TANGO2: variants seen among roughly 807,000 people sequenced by gnomAD.
TANGO2 encodes the protein transport and Golgi organization protein 2 homolog.
Under a neutral mutation model 39.1 loss-of-function variants are expected in TANGO2, and 26 were observed. The ratio of observed to expected loss-of-function variants is 0.67; its 90% confidence interval spans 0.49 to 0.92. The LOEUF (loss-of-function observed/expected upper bound fraction) is 0.92, where lower values mean the gene tolerates loss of function less well. Among genes scored for constraint, TANGO2 ranks in the 40% least tolerant of loss-of-function variants. TANGO2 has a pLI of 0.00. For missense variants in TANGO2, 326 were observed against 360.1 expected, an observed-to-expected ratio of 0.91 and a Z score of 0.77; for synonymous variants, 131 against 144.5, an observed-to-expected ratio of 0.91 and a Z score of 0.67.
chr22:20,061,441 G>A, intron 6 of TANGO2, 89 bp from the exon 7 acceptor site: 4 of 1,437,936 alleles, frequency 2.8e-6, no homozygotes, highest in Non-Finnish European at 3.7e-6. Context: ...GTCCCCAGCT[G>A]TACCCCGTGT....
chr22:20,063,895 T>G (rs963641556), intron 8 of TANGO2, among the ~76,000 whole-genome samples: 3 of 152,248 alleles, frequency 2.0e-5, no homozygotes, highest in African/African-American at 7.2e-5. Flanking sequence ...AAGTGCCAAC[T>G]CCACTCCCTG....
At chr22:20,029,494 C>T (rs2146863028) in intron 1 of TANGO2, among the ~76,000 whole-genome samples, 1 of 152,324 alleles carries the variant, frequency 6.6e-6, no homozygotes, top group Non-Finnish European at 1.5e-5. Flanking sequence ...GGAAGAATTC[C>T]ACCCGCACTG....
At chr22:20,055,014 C>A (rs887530446) in intron 5 of TANGO2, 6 of 152,276 alleles carry the variant, frequency 3.9e-5, no homozygotes, top group African/African-American at 1.2e-4. Flanking sequence ...CGGGGGGGCC[C>A]TTGAAGCCTA....
At chr22:20,036,916 A>G (rs1569261564) in intron 2 of TANGO2, 62 bp downstream of exon 2, 3 of 1,614,102 alleles carry the variant, frequency 1.9e-6, no homozygotes, top group East Asian at 4.5e-5. Context: ...GCCAGTTCTC[A>G]TGCCACCCAA....
rs1432791683 is a variant in TANGO2, at chr22:20,026,752, G to A, written c.-40+5506G>A. Among the ~76,000 whole-genome samples the A allele has an allele frequency of 6.0e-5, 9 of 150,144 alleles. No homozygotes were observed. The East Asian group carries it at 1.5e-3, about 26-fold the overall frequency. ...GGAGGTCACAAGTTGCCCAGCCAGT[G>A]GGGGATGCCCATAAAACCCTGGCGG... On this transcript the variant is annotated intron_variant, in intron 1 of 8. Coordinates refer to ENST00000327374, the MANE Select transcript of TANGO2 (RefSeq NM_152906.7).
At chr22:20,023,751 G>A (rs1444102243) in intron 1 of TANGO2, among the ~76,000 whole-genome samples, 1 of 152,104 alleles carries the variant, frequency 6.6e-6, no homozygotes. Flanking sequence ...CCAGCTACTC[G>A]GGAGGCTGAG....
chr22:20,063,160 A>G, intron 7 of TANGO2, 178 bp from the exon 8 acceptor site: 1 of 573,662 alleles, frequency 1.7e-6, no homozygotes, highest in South Asian at 2.3e-5. Context: ...CCTCCTCAAA[A>G]AAAGAAAATA....
chr22:20,056,799 G>GGGACT, intron 6 of TANGO2: 1 of 456,638 alleles, frequency 2.2e-6, no homozygotes, highest in East Asian at 6.9e-5. Context: ...CTAGGTTCCG[G>GGGACT]GGACTGCTGG....
At chr22:20,040,951 A>G (rs933056494) in intron 2 of TANGO2, among the ~76,000 whole-genome samples, 2 of 152,160 alleles carry the variant, frequency 1.3e-5, no homozygotes, top group Non-Finnish European at 2.9e-5. Context: ...ACCAGGCTGA[A>G]TGGGGCACCC....
intron 6 of TANGO2, among the ~76,000 whole-genome samples, chr22:20,060,022 C>A (rs1267955972): frequency 6.6e-6 from 1 of 151,428 alleles, no homozygotes; most frequent in Non-Finnish European, 1.5e-5. Context: ...GTGGTGCAGT[C>A]ATGGCCCACT....
chr22:20,026,812 G>A (rs1306976885), intron 1 of TANGO2, among the ~76,000 whole-genome samples: 1 of 152,220 alleles, frequency 6.6e-6, no homozygotes, highest in Non-Finnish European at 1.5e-5. Flanking sequence ...CCTGGAGGCA[G>A]GTGAGTGGCA....
At chr22:20,026,831 TG>T (rs1230844489) in intron 1 of TANGO2, among the ~76,000 whole-genome samples, 1 of 152,228 alleles carries the variant, frequency 6.6e-6, no homozygotes, top group East Asian at 1.9e-4. Flanking sequence ...CAACAGGTTC[TG>T]GTGCTAGACG....
At chr22:20,062,127 G>A (rs942529364) in intron 7 of TANGO2, among the ~76,000 whole-genome samples, 5 of 152,210 alleles carry the variant, frequency 3.3e-5, no homozygotes, top group Non-Finnish European at 7.4e-5. Context: ...TGTCCCCAGC[G>A]ACCCTGGGCT....
At chr22:20,047,232 G>GT (rs113268323) in intron 3 of TANGO2, among the ~76,000 whole-genome samples, 2,097 of 132,302 alleles carry the variant, frequency 0.016, 75 homozygotes, top group Admixed American at 0.074. Flanking sequence ...TGGTTTGTTT[G>GT]TTTTTTTTTT....
chr22:20,028,889 C>T (rs1250809246), intron 1 of TANGO2, among the ~76,000 whole-genome samples: 1 of 152,216 alleles, frequency 6.6e-6, no homozygotes, highest in African/African-American at 2.4e-5. Context: ...ACTGCCCACC[C>T]TCCACCCCAC....
intron 6 of TANGO2, among the ~76,000 whole-genome samples, chr22:20,059,680 C>T (rs2048011474): frequency 6.6e-6 from 1 of 152,162 alleles, no homozygotes; most frequent in Admixed American, 6.5e-5. Context: ...TGTATGTCTT[C>T]TTTGGAGAAA....
chr22:20,059,709 T>C (rs1424336899), intron 6 of TANGO2, among the ~76,000 whole-genome samples: 1 of 152,194 alleles, frequency 6.6e-6, no homozygotes, highest in Non-Finnish European at 1.5e-5. Context: ...CAGACTGGGT[T>C]GTCTTTTTGA....
At chr22:20,064,426 C>T (rs890504588) in intron 8 of TANGO2, 116 bp from the exon 9 acceptor site, 2 of 1,340,560 alleles carry the variant, frequency 1.5e-6, no homozygotes, top group African/African-American at 2.9e-5. Flanking sequence ...TTGGCACAGC[C>T]TCCAGGCATG....
chr22:20,036,976 T>G (rs1337105841), intron 2 of TANGO2, 122 bp downstream of exon 2: 1 of 1,607,970 alleles, frequency 6.2e-7, no homozygotes, highest in African/African-American at 1.3e-5. Context: ...TGCACAGGCC[T>G]GGCACTGCCC....
Sources: allele counts gnomAD v4.1 joint callset (sites outside exome capture counted in the v4.1 genomes callset), GRCh38; gene constraint gnomAD v4.1.1; transcripts MANE v1.5; gene names NCBI Gene and HGNC (gene_info 2026-07-23, HGNC 2026-07-21).